FHIP1A: variants seen among roughly 807,000 people sequenced by gnomAD.
FHIP1A encodes the protein FHF complex subunit HOOK interacting protein 1A.
Under a neutral mutation model 88.6 loss-of-function variants are expected in FHIP1A, and 61 were observed. The observed-to-expected ratio is 0.69, with a 90% CI of 0.56 to 0.85. The LOEUF (loss-of-function observed/expected upper bound fraction) is 0.85, where lower values mean the gene tolerates loss of function less well. Among genes scored for constraint, FHIP1A ranks in the 40% least tolerant of loss-of-function variants. The pLI is 0.00. For synonymous variants in FHIP1A, 478 were observed against 496.0 expected (o/e 0.96, Z 0.48); for missense variants, 1,154 against 1,273.5 (o/e 0.91, Z 1.43).
At chr4:151,443,898 T>C (rs1201498663) in intron 1 of FHIP1A, among the ~76,000 whole-genome samples, 1 of 152,056 alleles carries the variant, frequency 6.6e-6, no homozygotes, top group African/African-American at 2.4e-5. Context: ...GTGTTGTCTG[T>C]CAATACACTT....
At chr4:151,609,799 A>G (rs1174051821) in intron 7 of FHIP1A, among the ~76,000 whole-genome samples, 1 of 152,226 alleles carries the variant, frequency 6.6e-6, no homozygotes, top group Non-Finnish European at 1.5e-5. Flanking sequence ...AATTGGCCGT[A>G]GGATCTATAT....
intron 5 of FHIP1A, 110 bp from the exon 6 acceptor site, chr4:151,586,531 A>G: frequency 4.9e-6 from 4 of 816,220 alleles, no homozygotes; most frequent in Non-Finnish European, 7.5e-6. Context: ...ATACCTTGCT[A>G]CTTAAAGATA....
chr4:151,513,416 A>G (rs917062285), intron 3 of FHIP1A, among the ~76,000 whole-genome samples: 3 of 152,214 alleles, frequency 2.0e-5, no homozygotes, highest in Admixed American at 6.5e-5. Flanking sequence ...ATAACCAACT[A>G]ACATCATAAT....
chr4:151,492,374 C>T (rs998664721), intron 3 of FHIP1A, among the ~76,000 whole-genome samples: 1 of 151,876 alleles, frequency 6.6e-6, no homozygotes, highest in Non-Finnish European at 1.5e-5. Context: ...GGTGGATCAC[C>T]TGAGGTCAGG....
Position 151,656,047 on chromosome 4 carries a change from C to T in FHIP1A, c.2552-185C>T, listed in dbSNP as rs1737218329. On this transcript the variant is annotated intron_variant, in intron 11 of 13. Coordinates refer to ENST00000435205, the MANE Select transcript of FHIP1A (RefSeq NM_001109977.3). This position sits in a 1 kb window ranked among gnomAD's most constrained non-coding sequence, Gnocchi z 4.2. ...TGCCTATTTTTCTGTTTTCTTTTTG[C>T]CATGGTGGTTTGTTTTCCGTTTTGG... 6.6e-6 allele frequency among the ~76,000 whole-genome samples: 1 copy of T among 151,544 alleles called. No individual in the cohort carries two copies. The highest frequency in any genetic ancestry group is 1.5e-5 in the Non-Finnish European group (1 of 67,972).
At chr4:151,565,212 C>A (rs1260815273) in intron 3 of FHIP1A, among the ~76,000 whole-genome samples, 2 of 151,976 alleles carry the variant, frequency 1.3e-5, no homozygotes, top group African/African-American at 2.4e-5. Flanking sequence ...TGAATTATAC[C>A]CAGTCCTTTT....
intron 3 of FHIP1A, among the ~76,000 whole-genome samples, chr4:151,523,186 A>G (rs544892319): frequency 2.0e-5 from 3 of 152,190 alleles, no homozygotes; most frequent in Non-Finnish European, 4.4e-5. Flanking sequence ...GAGAAAATCA[A>G]CTTAAGAAGA....
At chr4:151,441,501 A>G (rs908030563) in intron 1 of FHIP1A, among the ~76,000 whole-genome samples, 2 of 152,170 alleles carry the variant, frequency 1.3e-5, no homozygotes, top group African/African-American at 4.8e-5. Context: ...TTTAAAAGTA[A>G]TTTTATGGAT....
At chr4:151,581,438 T>C (rs1365769808) in intron 5 of FHIP1A, among the ~76,000 whole-genome samples, 2 of 152,160 alleles carry the variant, frequency 1.3e-5, no homozygotes, top group Non-Finnish European at 2.9e-5. Flanking sequence ...TATTTCATAA[T>C]TTAAAAATTT....
At chr4:151,490,303 A>G (rs1189794008) in intron 3 of FHIP1A, among the ~76,000 whole-genome samples, 2 of 152,220 alleles carry the variant, frequency 1.3e-5, no homozygotes, top group Non-Finnish European at 2.9e-5. Flanking sequence ...ATCCATGGCT[A>G]GGATACTTGA....
chr4:151,548,908 T>G (rs1282888803), intron 3 of FHIP1A, among the ~76,000 whole-genome samples: 1 of 152,232 alleles, frequency 6.6e-6, no homozygotes, highest in African/African-American at 2.4e-5. Flanking sequence ...ACTTTTACTT[T>G]CTGCAGAAAG....
intron 3 of FHIP1A, among the ~76,000 whole-genome samples, chr4:151,565,194 T>A (rs965887492): frequency 1.2e-4 from 18 of 152,072 alleles, no homozygotes; most frequent in Non-Finnish European, 2.2e-4. Context: ...CGAAAAAAAA[T>A]AATATTTTGA....
chr4:151,471,637 G>A (rs1016834215), intron 2 of FHIP1A, among the ~76,000 whole-genome samples: 18 of 151,762 alleles, frequency 1.2e-4, no homozygotes, highest in African/African-American at 3.6e-4. Flanking sequence ...ATTTCCATAC[G>A]TTATTGGGGA....
intron 3 of FHIP1A, among the ~76,000 whole-genome samples, chr4:151,543,983 T>G (rs1732393550): frequency 6.6e-6 from 1 of 152,194 alleles, no homozygotes; most frequent in East Asian, 1.9e-4. Context: ...GATGCATCTT[T>G]GCTAACGTGA....
Position 151,656,549 on chromosome 4 carries a change from A to G in FHIP1A, c.2730+139A>G. 1 of 1,031,174 alleles carries G rather than the reference A, an allele frequency of 9.7e-7. No homozygotes were observed. The highest frequency in any genetic ancestry group is 1.4e-6 in the Non-Finnish European group (1 of 716,740). 63.9% of individuals were successfully genotyped at this position (1,031,174 alleles called of 1,614,324 possible). On this transcript the variant is annotated intron_variant, in intron 12 of 13. Coordinates refer to ENST00000435205, the MANE Select transcript of FHIP1A (RefSeq NM_001109977.3). The surrounding 1 kb of genome is among the most constrained non-coding windows in gnomAD (Gnocchi z 4.2). Reference sequence around the variant, plus strand: ...TTTCCTTCCCTGTCCTATTAAGCTCACTGTGTAGTTTATTCTAGACAAACT... The same window carrying G: ...TTTCCTTCCCTGTCCTATTAAGCTCGCTGTGTAGTTTATTCTAGACAAACT...
chr4:151,593,747 T>A (rs1455465336), intron 7 of FHIP1A, among the ~76,000 whole-genome samples: 1 of 152,216 alleles, frequency 6.6e-6, no homozygotes, highest in Non-Finnish European at 1.5e-5. Flanking sequence ...TTGAATACCC[T>A]TTATTTCTTT....
chr4:151,449,485 T>C (rs2709842), intron 1 of FHIP1A, among the ~76,000 whole-genome samples: 79,108 of 151,840 alleles, frequency 0.52, 20,897 homozygotes, highest in African/African-American at 0.55. Flanking sequence ...CAAATTAGGG[T>C]AGTTAGCATA....
chr4:151,518,115 A>T (rs1731314361), intron 3 of FHIP1A, among the ~76,000 whole-genome samples: 1 of 152,194 alleles, frequency 6.6e-6, no homozygotes. Flanking sequence ...ACCCAGAGCA[A>T]CTTTCAGTCC....
Position 151,649,590 on chromosome 4 carries a change from G to A in FHIP1A, c.1549G>A (p.Asp517Asn). Residue 517 changes from aspartate (D) to asparagine (N), a missense_variant, in exon 11 of 14, where the codon GAC becomes AAC. Coordinates refer to ENST00000435205, the MANE Select transcript of FHIP1A (RefSeq NM_001109977.3). ...CACCAACATCCTCCGCTGCATGAGG[G>A]ACTGCCGTGTCTGGTCCGCCCTGTA... ...AHTNILRCMRDCRVWSALYDG... is the reference protein window; with the variant it reads ...AHTNILRCMRNCRVWSALYDG... 6.4e-7 allele frequency: 1 copy of A among 1,551,708 alleles called. No homozygotes were observed. Among genetic ancestry groups the A allele is most frequent in the Non-Finnish European group, 8.7e-7 (1 of 1,146,986 alleles).
Sources: allele counts gnomAD v4.1 joint callset (sites outside exome capture counted in the v4.1 genomes callset), GRCh38; gene constraint gnomAD v4.1.1; non-coding constraint Gnocchi (gnomAD v3.1); transcripts MANE v1.5; gene names NCBI Gene and HGNC (gene_info 2026-07-23, HGNC 2026-07-21).